ZNF227: variants seen among roughly 807,000 people sequenced by gnomAD.
ZNF227 encodes the protein zinc finger protein 227.
A neutral mutation model predicts 13.2 loss-of-function variants in ZNF227; 12 were observed. The ratio of observed to expected loss-of-function variants is 0.91; its 90% CI spans 0.58 to 1.47. The LOEUF (loss-of-function observed/expected upper bound fraction) is 1.47. ZNF227 is among the 40% of genes most tolerant of loss of function. ZNF227 has a pLI of 0.00. For missense variants in ZNF227, 885 were observed against 967.5 expected (o/e 0.91, Z 1.13); for synonymous variants, 338 against 326.0 (o/e 1.04, Z -0.40).
intron 2 of ZNF227, among the ~76,000 whole-genome samples, chr19:44,215,000 G>A (rs1217970535): frequency 6.6e-6 from 1 of 151,796 alleles, no homozygotes. Flanking sequence ...TAGGTTGTGC[G>A]CTCCTTATGA....
intron 3 of ZNF227, among the ~76,000 whole-genome samples, chr19:44,221,606 G>A (rs936840453): frequency 6.6e-6 from 1 of 152,182 alleles, no homozygotes; most frequent in Non-Finnish European, 1.5e-5. Flanking sequence ...TTTTGATGGG[G>A]TTGTTTGCTT....
At chr19:44,224,998 A>G (rs1363598689) in intron 3 of ZNF227, among the ~76,000 whole-genome samples, 2 of 152,066 alleles carry the variant, frequency 1.3e-5, no homozygotes, top group African/African-American at 4.8e-5. Context: ...GCTTGTCTGT[A>G]AAGTATTTTA....
At chr19:44,220,318 T>C (rs542478159) in intron 3 of ZNF227, among the ~76,000 whole-genome samples, 18 of 152,280 alleles carry the variant, frequency 1.2e-4, no homozygotes, top group Middle Eastern at 3.4e-3. Flanking sequence ...CTGGGTCAAA[T>C]GGTATTTCTA....
intron 3 of ZNF227, among the ~76,000 whole-genome samples, chr19:44,223,902 A>G (rs1244660071): frequency 6.6e-6 from 1 of 152,108 alleles, no homozygotes; most frequent in Non-Finnish European, 1.5e-5. Flanking sequence ...GTGGGCATTT[A>G]GTGCTATAAA....
At chr19:44,210,033 C>T (rs187311819), upstream of ZNF227, among the ~76,000 whole-genome samples, 79 of 152,270 alleles carry the variant, frequency 5.2e-4, no homozygotes, top group African/African-American at 1.7e-3. Context: ...TGTGGAGCTG[C>T]CCAGTATCTT....
At chr19:44,214,866 T>C (rs1971701195) in intron 2 of ZNF227, among the ~76,000 whole-genome samples, 1 of 151,684 alleles carries the variant, frequency 6.6e-6, no homozygotes, top group South Asian at 2.1e-4. Context: ...TACTAGTCTG[T>C]GGCCTGTTAG....
chr19:44,226,424 C>T (rs1973168419), intron 3 of ZNF227, among the ~76,000 whole-genome samples: 1 of 152,226 alleles, frequency 6.6e-6, no homozygotes, highest in South Asian at 2.1e-4. Context: ...TGGTGGGCTC[C>T]ACCCAGTTCG....
At position 44,229,719 on chromosome 19, in the gene ZNF227, C is replaced by T; in HGVS notation, c.188-14C>T. 2 of 1,547,504 alleles carry T rather than the reference C, an allele frequency of 1.3e-6. No homozygotes were observed. Among genetic ancestry groups the T allele is most frequent in the Non-Finnish European group, 8.8e-7 (1 of 1,139,054 alleles). ...GTGTTCATCTTAAATACATAAAAAT[C>T]TACATTTTCATAGGGCATCTTCCCT... On this transcript the variant is annotated splice_polypyrimidine_tract_variant and intron_variant, in intron 4 of 5. Transcript: ENST00000313040.
intron 2 of ZNF227, among the ~76,000 whole-genome samples, chr19:44,214,804 TA>T (rs1166929418): frequency 1.4e-5 from 2 of 145,174 alleles, no homozygotes; most frequent in African/African-American, 5.5e-5. Flanking sequence ...TTTTTTTTTT[TA>T]AATTAGAGTG....
intron 2 of ZNF227, among the ~76,000 whole-genome samples, chr19:44,214,979 T>G (rs981231934): frequency 6.6e-6 from 1 of 151,934 alleles, no homozygotes; most frequent in Non-Finnish European, 1.5e-5. Flanking sequence ...GGACTGCACA[T>G]GTGAAGGATC....
At chr19:44,224,056 T>A (rs1972833142) in intron 3 of ZNF227, among the ~76,000 whole-genome samples, 1 of 152,238 alleles carries the variant, frequency 6.6e-6, no homozygotes, top group African/African-American at 2.4e-5. Context: ...TTGTTCAGTT[T>A]CCATGTAGTT....
At chr19:44,228,336 T>C in intron 3 of ZNF227, 110 bp from the exon 4 acceptor site, 1 of 1,273,396 alleles carries the variant, frequency 7.9e-7, no homozygotes, top group Non-Finnish European at 1.1e-6. Context: ...GACTGAGATC[T>C]CTTGGAATCT....
At chr19:44,230,926 A>AAAAAAAAAAAAAAAAAATATATATATAT (rs1555792168) in intron 5 of ZNF227, among the ~76,000 whole-genome samples, 1 of 68,116 alleles carries the variant, frequency 1.5e-5, no homozygotes, top group African/African-American at 9.8e-5. Flanking sequence ...AAAAAAAAAA[A>AAAAAAAAAAAAAAAAAATATATATATAT]ATATATATAT....
chr19:44,215,989 TAAAAA>T (rs1276832695), intron 2 of ZNF227, among the ~76,000 whole-genome samples: 1 of 37,388 alleles, frequency 2.7e-5, no homozygotes, highest in South Asian at 1.0e-3. Flanking sequence ...ACTCTCTCTC[TAAAAA>T]AAAAAAAAAA....
intron 3 of ZNF227, among the ~76,000 whole-genome samples, chr19:44,224,161 C>T (rs903262788): frequency 6.6e-6 from 1 of 152,110 alleles, no homozygotes; most frequent in African/African-American, 2.4e-5. Context: ...TGTTCTTTTA[C>T]ATTTGCTGAG....
upstream of ZNF227, among the ~76,000 whole-genome samples, chr19:44,211,090 T>G (rs1432541776): frequency 6.6e-6 from 1 of 151,974 alleles, no homozygotes; most frequent in Non-Finnish European, 1.5e-5. Context: ...CCCCAGCGAC[T>G]TGGGAGGCTG....
rs189899386 is a variant in ZNF227, at chr19:44,222,239, G to T, written c.60+4387G>T. ...TCTTTTGGCCTAGGATTGACTTGGC[G>T]ATGTGGGCTCTTTTTTGGTTCCATA... is the stretch of plus-strand genomic sequence containing the variant. On this transcript the variant is annotated intron_variant, in intron 3 of 5. Coordinates refer to ENST00000313040, the MANE Select transcript of ZNF227 (RefSeq NM_182490.3). 7.2e-5 allele frequency among the ~76,000 whole-genome samples: 11 copies of T among 152,190 alleles called. No homozygotes were observed. The East Asian group carries it at 7.7e-4, about 11-fold the overall frequency.
rs376012247 is a variant in ZNF227, at chr19:44,235,481, C to A, written c.1051C>A (p.Pro351Thr). 4 of 1,614,086 alleles carry A rather than the reference C, an allele frequency of 2.5e-6. No homozygotes were observed. The highest frequency in any genetic ancestry group is 3.4e-6 in the Non-Finnish European group (4 of 1,180,024). The change falls in exon 6 of 6, where the codon CCC becomes ACC. Residue 351 changes from proline to threonine, a missense_variant. Transcript: ENST00000313040. ...TTACAGAACTCATACTGGAGAGAAA[C>A]CCTATAAATGCGAGGAATGTGGTAA... is the stretch of plus-strand genomic sequence containing the variant. ...IHYRTHTGEKPYKCEECGKCF... is the reference protein window; with the variant it reads ...IHYRTHTGEKTYKCEECGKCF...
chr19:44,215,451 ATAATT>A (rs1971777236), intron 2 of ZNF227, among the ~76,000 whole-genome samples: 1 of 124,458 alleles, frequency 8.0e-6, no homozygotes, highest in African/African-American at 2.6e-5. Context: ...ATATATATGT[ATAATT>A]TTTTTTTTTT....
Sources: allele counts gnomAD v4.1 joint callset (sites outside exome capture counted in the v4.1 genomes callset), GRCh38; gene constraint gnomAD v4.1.1; transcripts MANE v1.5; gene names NCBI Gene and HGNC (gene_info 2026-07-23, HGNC 2026-07-21).